The following CDK13 variants were observed in gnomAD, a reference collection of about 807,000 sequenced individuals.
The protein encoded by CDK13 is cyclin-dependent kinase 13.
CDK13 carries 40 observed loss-of-function variants against 137.6 expected under a neutral mutation model. The observed-to-expected ratio is 0.29, with a 90% confidence interval of 0.23 to 0.38. CDK13 has a LOEUF of 0.38. Among genes scored for constraint, CDK13 ranks in the 10% least tolerant of loss-of-function variants. The pLI is 1.00. For missense variants in CDK13, 1,704 were observed against 1,951.8 expected, an observed-to-expected ratio of 0.87 and a Z score of 2.39; for synonymous variants, 869 against 760.1, an observed-to-expected ratio of 1.14 and a Z score of -2.36.
At chr7:40,072,215 C>T (rs1409877101) in intron 9 of CDK13, 2 of 152,280 alleles carry the variant, frequency 1.3e-5, no homozygotes, top group African/African-American at 2.4e-5. Flanking sequence ...CAACCTCTGC[C>T]TCCCGGGTTC....
chr7:39,965,072 G>C (rs1367345150), intron 1 of CDK13, among the ~76,000 whole-genome samples: 2 of 152,150 alleles, frequency 1.3e-5, no homozygotes, highest in Non-Finnish European at 2.9e-5. Context: ...AATAGGTGTG[G>C]TGTGGTGCTG....
Position 39,950,911 on chromosome 7 carries a change from G to A in CDK13, c.270G>A (p.Lys90=). The change falls in exon 1 of 14, where the codon AAG becomes AAA. Residue 90 remains lysine (K), a synonymous_variant. Transcript: ENST00000181839. The stretch of plus-strand genomic sequence containing the variant: ...GCCCGGGCCCCCCTCTGGAGGTCAA[G>A]CGGCTGGCGAGAGGCAAGAGGCGCG... ...CFSPGPPLEV[K]RLARGKRRAG... The A allele has an allele frequency of 7.5e-7, 1 of 1,331,454 alleles. No homozygotes were observed. Among genetic ancestry groups the A allele is most frequent in the African/African-American group, 1.5e-5 (1 of 64,992 alleles). The allele number at this position is 1,331,454 out of a possible 1,614,324, so 82.5% of individuals were successfully genotyped here. A position where few individuals can be genotyped will look rare whatever the true frequency, so the allele number is the denominator to read the frequency against.
At chr7:40,011,082 A>G (rs1276800686) in intron 5 of CDK13, among the ~76,000 whole-genome samples, 1 of 151,274 alleles carries the variant, frequency 6.6e-6, no homozygotes. Flanking sequence ...AAAGTGATCT[A>G]CATATTCAAC....
At chr7:39,974,486 T>G (rs1784062701) in intron 1 of CDK13, among the ~76,000 whole-genome samples, 1 of 152,184 alleles carries the variant, frequency 6.6e-6, no homozygotes, top group South Asian at 2.1e-4. Flanking sequence ...GGTATAAGCC[T>G]TGCACTTTTT....
chr7:39,990,758 T>C (rs1784439405), intron 2 of CDK13, among the ~76,000 whole-genome samples: 1 of 152,210 alleles, frequency 6.6e-6, no homozygotes, highest in South Asian at 2.1e-4. Flanking sequence ...GTGAAAATAT[T>C]TACAGTTTAA....
chr7:40,088,799 G>A (rs1786848534), intron 12 of CDK13, among the ~76,000 whole-genome samples: 1 of 152,186 alleles, frequency 6.6e-6, no homozygotes, highest in Non-Finnish European at 1.5e-5. Context: ...AAAGATTGGG[G>A]CCAGGCATGC....
At chr7:40,050,726 A>G (rs540270128) in intron 7 of CDK13, among the ~76,000 whole-genome samples, 2 of 152,288 alleles carry the variant, frequency 1.3e-5, no homozygotes, top group African/African-American at 4.8e-5. Context: ...TAATGTGGCT[A>G]TTATTTTGGG....
At chr7:39,972,380 T>G (rs752938631) in intron 1 of CDK13, among the ~76,000 whole-genome samples, 5 of 152,250 alleles carry the variant, frequency 3.3e-5, no homozygotes, top group Non-Finnish European at 7.3e-5. Flanking sequence ...TTTATTAGTC[T>G]TTAGTCTCTT....
At chr7:40,029,193 G>A (rs1025864333) in intron 5 of CDK13, among the ~76,000 whole-genome samples, 25 of 152,020 alleles carry the variant, frequency 1.6e-4, no homozygotes, top group Admixed American at 5.2e-4. Flanking sequence ...TTGGGAGGCC[G>A]AGGCAAGTGG....
intron 5 of CDK13, among the ~76,000 whole-genome samples, chr7:40,023,005 T>A (rs1785159995): frequency 6.6e-6 from 1 of 152,152 alleles, no homozygotes; most frequent in Non-Finnish European, 1.5e-5. Context: ...CAGTCAGAAC[T>A]GTTAAATCTT....
chr7:39,959,913 G>A (rs1787554710), intron 1 of CDK13, among the ~76,000 whole-genome samples: 1 of 135,462 alleles, frequency 7.4e-6, no homozygotes, highest in Non-Finnish European at 1.6e-5. Context: ...CCTTCTTTAT[G>A]TAACGTTTTA....
chr7:40,027,760 C>T (rs982621655), intron 5 of CDK13, among the ~76,000 whole-genome samples: 4 of 142,484 alleles, frequency 2.8e-5, no homozygotes, highest in Admixed American at 2.3e-4. Flanking sequence ...TCAGATTGGG[C>T]AGTTGGAGCC....
intron 5 of CDK13, among the ~76,000 whole-genome samples, chr7:40,018,206 G>T (rs1181830905): frequency 1.3e-5 from 2 of 151,940 alleles, no homozygotes; most frequent in Non-Finnish European, 2.9e-5. Context: ...AATTGGTCAG[G>T]GTGTGGGATC....
intron 9 of CDK13, chr7:40,070,908 C>G (rs1013051961): frequency 6.6e-6 from 1 of 152,124 alleles, no homozygotes; most frequent in African/African-American, 2.4e-5. Context: ...ACACAATGTA[C>G]ATTGCTTATG....
chr7:40,085,798 A>G (rs562905928), intron 11 of CDK13: 1 of 152,692 alleles, frequency 6.5e-6, no homozygotes, highest in East Asian at 1.9e-4. Context: ...TGGTTTAATC[A>G]TAATCCTTGT....
Position 40,087,631 on chromosome 7 carries a change from C to T in CDK13, c.3030-495C>T, listed in dbSNP as rs543136288. Among the ~76,000 whole-genome samples, 3 of 149,934 alleles carry T rather than the reference C, an allele frequency of 2.0e-5. No individual in the cohort carries two copies. The East Asian group carries it at 5.8e-4, about 29-fold the overall frequency. The stretch of plus-strand genomic sequence containing the variant: ...TGGCGCAATCTCGGCTCACCGCAAC[C>T]TCCACCTCCCGGGTTCATGCCATTC... On this transcript the variant is annotated intron_variant, in intron 11 of 13. Coordinates refer to ENST00000181839, the MANE Select transcript of CDK13 (RefSeq NM_003718.5).
intron 5 of CDK13, among the ~76,000 whole-genome samples, chr7:40,013,169 A>C (rs1299503961): frequency 6.6e-6 from 1 of 152,190 alleles, no homozygotes; most frequent in Non-Finnish European, 1.5e-5. Flanking sequence ...CAAAGATAAT[A>C]TATGTGTGAT....
At chr7:40,092,551 T>C in intron 12 of CDK13, 1 of 476,262 alleles carries the variant, frequency 2.1e-6, no homozygotes, top group South Asian at 2.9e-5. Context: ...GATTTTCCTT[T>C]TGAAGTATTT....
rs565170757 is a variant in CDK13 at position 40,062,611 on chromosome 7, A to G, written c.2601-215A>G. The G allele has an allele frequency of 8.6e-5, 43 of 502,574 alleles. No individual in the cohort carries two copies. The Admixed American group carries it at 9.7e-4, about 11-fold the overall frequency. 31.1% of individuals were successfully genotyped at this position (502,574 alleles called of 1,614,324 possible). On this transcript the variant is annotated intron_variant, in intron 7 of 13. Transcript: ENST00000181839. ...TCAACTACTTTTTGTTTTTATCTTC[A>G]TATATTAAGGGAATTTTTAGTTAAA...
Sources: gnomAD v4.1 joint callset for allele counts (sites outside exome capture counted in the v4.1 genomes callset) on GRCh38, gnomAD v4.1.1 for gene constraint, MANE v1.5 for transcripts, NCBI Gene and HGNC (gene_info 2026-07-23, HGNC 2026-07-21) for gene names.